Variants in FGF14 observed in about 807,000 individuals in gnomAD.
The protein encoded by FGF14 is fibroblast growth factor 14.
Under a neutral mutation model 25.5 loss-of-function variants are expected in FGF14, and 5 were observed. That is an observed-to-expected ratio of 0.20 (90% CI 0.10 to 0.41). FGF14 has a LOEUF of 0.41. FGF14 is among the 10% of genes least tolerant of loss of function. The pLI is 1.00. For missense variants in FGF14, 222 were observed against 320.1 expected (o/e 0.69, Z 2.34); for synonymous variants, 138 against 118.3 (o/e 1.17, Z -1.08).
At chr13:101,938,479 G>T (rs1007955759) in intron 1 of FGF14, among the ~76,000 whole-genome samples, 2 of 152,136 alleles carry the variant, frequency 1.3e-5, no homozygotes, top group East Asian at 3.8e-4. Flanking sequence ...AAAGAACATT[G>T]ATTTAGTTCC....
intron 1 of FGF14, among the ~76,000 whole-genome samples, chr13:101,909,568 C>T (rs976177746): frequency 4.4e-4 from 67 of 152,068 alleles, no homozygotes; most frequent in African/African-American, 1.5e-3. Context: ...GTTAGAAAGG[C>T]GATCATTAAA....
At chr13:101,989,507 T>C (rs1429285423) in intron 1 of FGF14, among the ~76,000 whole-genome samples, 2 of 152,148 alleles carry the variant, frequency 1.3e-5, no homozygotes, top group Non-Finnish European at 2.9e-5. Flanking sequence ...ACAGTGACTA[T>C]TTCCTAAATC....
At chr13:101,938,726 C>T (rs2035260625) in intron 1 of FGF14, among the ~76,000 whole-genome samples, 1 of 152,202 alleles carries the variant, frequency 6.6e-6, no homozygotes, top group South Asian at 2.1e-4. Context: ...CTCTCCCTCA[C>T]CACTACATTT....
At chr13:102,090,302 C>T (rs755018768) in intron 1 of FGF14, among the ~76,000 whole-genome samples, 4 of 152,092 alleles carry the variant, frequency 2.6e-5, no homozygotes, top group Non-Finnish European at 5.9e-5. Context: ...AAAATAATCT[C>T]CTAAAATTAA....
chr13:101,835,225 G>C (rs1186964957), intron 3 of FGF14, among the ~76,000 whole-genome samples: 2 of 152,080 alleles, frequency 1.3e-5, no homozygotes, highest in Non-Finnish European at 2.9e-5. Flanking sequence ...GGTTGTGTAT[G>C]TGGGTGTGTG....
intron 1 of FGF14, among the ~76,000 whole-genome samples, chr13:102,099,198 G>C (rs1487537799): frequency 2.0e-5 from 3 of 152,114 alleles, no homozygotes; most frequent in Non-Finnish European, 4.4e-5. Flanking sequence ...TAGTTTTTCA[G>C]GGAGAAGAAT....
At chr13:101,733,468 G>T (rs1425906573) in intron 3 of FGF14, among the ~76,000 whole-genome samples, 2 of 151,884 alleles carry the variant, frequency 1.3e-5, no homozygotes, top group African/African-American at 2.4e-5. Context: ...AGTGGCACAT[G>T]CCTGTAGTCC....
intron 1 of FGF14, among the ~76,000 whole-genome samples, chr13:101,937,089 C>A (rs751101773): frequency 6.6e-6 from 1 of 152,174 alleles, no homozygotes. Context: ...CATCCCCAAG[C>A]CTGCCTCAGC....
chr13:102,062,468 C>T (rs2042731221), intron 1 of FGF14, among the ~76,000 whole-genome samples: 1 of 152,060 alleles, frequency 6.6e-6, no homozygotes, highest in South Asian at 2.1e-4. Context: ...ATCTGAAAAA[C>T]TTCTCTACAC....
intron 1 of FGF14, among the ~76,000 whole-genome samples, chr13:101,996,423 C>G (rs1223718560): frequency 6.6e-6 from 1 of 151,998 alleles, no homozygotes; most frequent in East Asian, 1.9e-4. Flanking sequence ...GAGACAAGGA[C>G]AGTTGTTTGG....
chr13:102,093,328 T>C (rs2044252255), intron 1 of FGF14, among the ~76,000 whole-genome samples: 1 of 152,180 alleles, frequency 6.6e-6, no homozygotes, highest in South Asian at 2.1e-4. Context: ...TGTATATACT[T>C]ACTGACCAAA....
At chr13:102,022,448 A>G (rs1045404778) in intron 1 of FGF14, among the ~76,000 whole-genome samples, 1 of 152,108 alleles carries the variant, frequency 6.6e-6, no homozygotes, top group South Asian at 2.1e-4. Flanking sequence ...TCGCTCAAAG[A>G]GATGGCATTA....
At chr13:102,198,456 T>C (rs1695745107) in intron 1 of FGF14, among the ~76,000 whole-genome samples, 1 of 152,168 alleles carries the variant, frequency 6.6e-6, no homozygotes, top group Admixed American at 6.5e-5. Flanking sequence ...GGCCTTTCTG[T>C]TTCCACCGAA....
intron 1 of FGF14, among the ~76,000 whole-genome samples, chr13:101,962,273 C>T (rs181840453): frequency 6.6e-6 from 1 of 152,268 alleles, no homozygotes; most frequent in Non-Finnish European, 1.5e-5. Flanking sequence ...AGGTGCTTCA[C>T]TTCCCTTGCT....
chr13:102,284,343 C>T (rs1023538525), intron 1 of FGF14, among the ~76,000 whole-genome samples: 2 of 151,980 alleles, frequency 1.3e-5, no homozygotes, highest in Admixed American at 6.6e-5. Context: ...TTGTTGATGA[C>T]GGGAATGACT....
chr13:101,841,909 G>T (rs1267850533), intron 3 of FGF14, among the ~76,000 whole-genome samples: 2 of 151,766 alleles, frequency 1.3e-5, no homozygotes, highest in Non-Finnish European at 2.9e-5. Context: ...CACCTTTTCT[G>T]CACGTGAAAA....
intron 3 of FGF14, among the ~76,000 whole-genome samples, chr13:101,858,563 AATT>A (rs150415630): frequency 1.1e-4 from 16 of 152,156 alleles, no homozygotes; most frequent in African/African-American, 3.6e-4. Flanking sequence ...TACATATAAA[AATT>A]ATTTTCACCA....
chr13:102,157,384 C>G (rs1236950805), intron 1 of FGF14, among the ~76,000 whole-genome samples: 1 of 152,078 alleles, frequency 6.6e-6, no homozygotes, highest in Non-Finnish European at 1.5e-5. Context: ...CTTTGACAAA[C>G]CTGACAAAAA....
intron 1 of FGF14, among the ~76,000 whole-genome samples, chr13:101,888,348 C>G (rs2046099503): frequency 6.6e-6 from 1 of 152,106 alleles, no homozygotes; most frequent in Non-Finnish European, 1.5e-5. Context: ...AAGTACTGGA[C>G]TGTATTTCTA....
Sources: gnomAD v4.1 joint callset for allele counts (sites outside exome capture counted in the v4.1 genomes callset) on GRCh38, gnomAD v4.1.1 for gene constraint, MANE v1.5 for transcripts, NCBI Gene and HGNC (gene_info 2026-07-23, HGNC 2026-07-21) for gene names.